Variants in CNTNAP2 observed in about 807,000 individuals in gnomAD.
The protein encoded by CNTNAP2 is contactin-associated protein-like 2.
In CNTNAP2, 98 loss-of-function variants were observed where a neutral mutation model predicts 155.2. That is an observed-to-expected ratio of 0.63 (90% CI 0.54 to 0.75). The LOEUF is 0.75. Among genes scored for constraint, CNTNAP2 ranks in the 30% least tolerant of loss-of-function variants. The pLI is 0.00. For missense variants in CNTNAP2, 1,727 were observed against 1,688.1 expected, an observed-to-expected ratio of 1.02 and a Z score of -0.40; for synonymous variants, 651 against 631.2, an observed-to-expected ratio of 1.03 and a Z score of -0.47.
At chr7:147,699,271 T>G (rs1796203493) in intron 13 of CNTNAP2, among the ~76,000 whole-genome samples, 1 of 145,062 alleles carries the variant, frequency 6.9e-6, no homozygotes, top group African/African-American at 2.5e-5. Context: ...ATGGCTTTCA[T>G]AAAAAGGAAT....
chr7:146,524,789 T>A (rs1175172077), intron 1 of CNTNAP2, among the ~76,000 whole-genome samples: 1 of 152,136 alleles, frequency 6.6e-6, no homozygotes, highest in Non-Finnish European at 1.5e-5. Flanking sequence ...CTTTTTAAAG[T>A]AAACCATAGC....
intron 13 of CNTNAP2, among the ~76,000 whole-genome samples, chr7:147,691,522 C>T (rs955034284): frequency 3.9e-5 from 6 of 151,912 alleles, no homozygotes; most frequent in Admixed American, 6.6e-5. Context: ...CAATGCAATC[C>T]GAATCAAAAT....
intron 10 of CNTNAP2, among the ~76,000 whole-genome samples, chr7:147,476,724 C>A (rs372320787): frequency 2.6e-5 from 4 of 151,914 alleles, no homozygotes; most frequent in Non-Finnish European, 5.9e-5. Context: ...GTCAGGAGTT[C>A]GAGACCAGCC....
Position 147,801,862 on chromosome 7 carries a change from G to A in CNTNAP2, c.2099-101703G>A, listed in dbSNP as rs1013478540. Among the ~76,000 whole-genome samples, 36 of 151,826 alleles carry A rather than the reference G, an allele frequency of 2.4e-4. 2 individuals carry two copies. In the East Asian group the frequency reaches 3.7e-3, roughly 16 times the overall value. On this transcript the variant is annotated intron_variant, in intron 13 of 23. Coordinates refer to ENST00000361727, the MANE Select transcript of CNTNAP2 (RefSeq NM_014141.6). ...GGCACACCTCCCAGACGGGGGGGGC[G>A]GCCGGGCAGAGGGGCTCCTCACTTC...
At chr7:148,096,403 C>T (rs1192318137) in intron 15 of CNTNAP2, among the ~76,000 whole-genome samples, 1 of 151,730 alleles carries the variant, frequency 6.6e-6, no homozygotes, top group Non-Finnish European at 1.5e-5. Context: ...TTAAAGTACC[C>T]CCATTTTGTG....
intron 1 of CNTNAP2, among the ~76,000 whole-genome samples, chr7:146,263,483 T>A (rs1316902247): frequency 6.6e-6 from 1 of 152,234 alleles, no homozygotes; most frequent in East Asian, 1.9e-4. Context: ...TGGGTTTTTT[T>A]ATCAGAGTAA....
At position 148,395,939 on chromosome 7, in the gene CNTNAP2, C is replaced by T. The variant is rs116894182; in HGVS notation, c.3715+12051C>T. On this transcript the variant is annotated intron_variant, in intron 22 of 23. Coordinates refer to ENST00000361727, the MANE Select transcript of CNTNAP2 (RefSeq NM_014141.6). ...TTCCTCTACCTTTCTTTCCCTTCAT[C>T]CCCTACGATAGATTTTGAACCCCAG... 8.1e-3 allele frequency among the ~76,000 whole-genome samples: 1,232 copies of T among 152,270 alleles called. 5 individuals carry two copies. The highest frequency in any genetic ancestry group is 0.014 in the Non-Finnish European group (948 of 68,014).
intron 1 of CNTNAP2, among the ~76,000 whole-genome samples, chr7:146,192,991 A>C (rs1248153088): frequency 3.9e-5 from 6 of 152,198 alleles, no homozygotes; most frequent in Admixed American, 3.3e-4. Context: ...CAAATCCAAA[A>C]TCCAGAGAGG....
intron 13 of CNTNAP2, among the ~76,000 whole-genome samples, chr7:147,720,067 T>C (rs1304286230): frequency 6.6e-6 from 1 of 152,052 alleles, no homozygotes; most frequent in Non-Finnish European, 1.5e-5. Context: ...TTTTTTCTTA[T>C]ACTCAATGAC....
At chr7:146,682,004 A>G (rs1005266478) in intron 1 of CNTNAP2, among the ~76,000 whole-genome samples, 1 of 73,956 alleles carries the variant, frequency 1.4e-5, no homozygotes, top group Non-Finnish European at 3.6e-5. Context: ...GGTCAGACGC[A>G]CAGAAACACA....
intron 3 of CNTNAP2, among the ~76,000 whole-genome samples, chr7:146,937,155 A>T (rs2129224613): frequency 6.6e-6 from 1 of 152,144 alleles, no homozygotes; most frequent in South Asian, 2.1e-4. Flanking sequence ...TGGGAGGCCA[A>T]GGCAGGCGGA....
intron 16 of CNTNAP2, among the ~76,000 whole-genome samples, chr7:148,132,811 T>C (rs949833311): frequency 2.0e-5 from 3 of 152,214 alleles, no homozygotes; most frequent in Admixed American, 6.5e-5. Context: ...CCAACATTCA[T>C]AGGAGCATTT....
chr7:148,415,583 C>T lies in CNTNAP2; in HGVS notation c.3963C>T (p.Thr1321=). The T allele has an allele frequency of 6.2e-7, 1 of 1,614,150 alleles. No homozygotes were observed. Among genetic ancestry groups the T allele is most frequent in the Non-Finnish European group, 8.5e-7 (1 of 1,180,034 alleles). The change falls in exon 24 of 24, where the codon ACC becomes ACT. Residue 1321 remains threonine (T), a synonymous_variant. Coordinates refer to ENST00000361727, the MANE Select transcript of CNTNAP2 (RefSeq NM_014141.6). ...ACAACGACCCCAACTTCACAGAGAC[C>T]ATTGATGAAAGCAAAAAGGAATGGC... ...IMNNDPNFTE[T]IDESKKEWLI
intron 15 of CNTNAP2, among the ~76,000 whole-genome samples, chr7:148,072,836 T>A (rs894721474): frequency 6.6e-6 from 1 of 152,152 alleles, no homozygotes; most frequent in Non-Finnish European, 1.5e-5. Context: ...GCCTCCCCAG[T>A]AGCTGGGATT....
chr7:147,546,912 G>A (rs775576207), intron 11 of CNTNAP2, among the ~76,000 whole-genome samples: 3 of 152,150 alleles, frequency 2.0e-5, no homozygotes, highest in East Asian at 1.9e-4. Flanking sequence ...ATCAATTTCT[G>A]AGACTAACCC....
chr7:147,647,787 G>A (rs1039207492), intron 13 of CNTNAP2, among the ~76,000 whole-genome samples: 1 of 152,224 alleles, frequency 6.6e-6, no homozygotes, highest in Admixed American at 6.5e-5. Context: ...TTATTAAACA[G>A]TAGGAAGAAA....
intron 15 of CNTNAP2, among the ~76,000 whole-genome samples, chr7:148,098,747 A>G (rs1337210540): frequency 6.6e-6 from 1 of 152,210 alleles, no homozygotes; most frequent in East Asian, 1.9e-4. Flanking sequence ...GTCCAGAGCT[A>G]TGAATGCCAT....
chr7:146,224,181 A>T (rs1436975591), intron 1 of CNTNAP2, among the ~76,000 whole-genome samples: 1 of 152,194 alleles, frequency 6.6e-6, no homozygotes, highest in Non-Finnish European at 1.5e-5. Flanking sequence ...TGATTATGGC[A>T]ATGTCAGACT....
At chr7:147,125,479 T>G (rs927924679) in intron 6 of CNTNAP2, among the ~76,000 whole-genome samples, 12 of 152,182 alleles carry the variant, frequency 7.9e-5, no homozygotes, top group African/African-American at 2.9e-4. Context: ...ACTTCATTTT[T>G]CCTCAGCGTA....
Sources: gnomAD v4.1 joint callset for allele counts (sites outside exome capture counted in the v4.1 genomes callset) on GRCh38, gnomAD v4.1.1 for gene constraint, MANE v1.5 for transcripts, NCBI Gene and HGNC (gene_info 2026-07-23, HGNC 2026-07-21) for gene names.